Variants in NKAIN2 observed in about 807,000 individuals in gnomAD.
NKAIN2 encodes the protein sodium/potassium-transporting ATPase subunit beta-1-interacting protein 2.
NKAIN2 carries 14 observed loss-of-function variants against 32.6 expected under a neutral mutation model. The observed-to-expected ratio is 0.43, with a 90% CI of 0.28 to 0.67. The LOEUF is 0.67. Ranked by LOEUF, NKAIN2 falls within the 30% of genes least tolerant of loss-of-function variation. The pLI is 0.17. For missense variants in NKAIN2, 198 were observed against 258.3 expected (o/e 0.77, Z 1.60); for synonymous variants, 80 against 87.2 (o/e 0.92, Z 0.46).
chr6:124,711,733 A>G (rs1480228274), intron 4 of NKAIN2, among the ~76,000 whole-genome samples: 2 of 151,822 alleles, frequency 1.3e-5, no homozygotes, highest in Non-Finnish European at 2.9e-5. Flanking sequence ...ATTTTTTTTC[A>G]AAGTTTTCGA....
chr6:124,339,287 G>A (rs1798014998), intron 2 of NKAIN2, among the ~76,000 whole-genome samples: 1 of 148,696 alleles, frequency 6.7e-6, no homozygotes, highest in Non-Finnish European at 1.5e-5. Flanking sequence ...AGAAGTTGCA[G>A]TGAGCCGAGA....
At chr6:124,459,199 A>G (rs1026128115) in intron 3 of NKAIN2, among the ~76,000 whole-genome samples, 1 of 151,888 alleles carries the variant, frequency 6.6e-6, no homozygotes. Flanking sequence ...TAATAAATTA[A>G]TTTAGACCCT....
At chr6:123,963,057 G>A (rs926360200) in intron 1 of NKAIN2, among the ~76,000 whole-genome samples, 4 of 152,136 alleles carry the variant, frequency 2.6e-5, no homozygotes, top group Non-Finnish European at 4.4e-5. Context: ...TTGTACAAGA[G>A]TTGTAGAAGA....
chr6:124,654,191 G>T (rs1472855527), intron 3 of NKAIN2, among the ~76,000 whole-genome samples: 2 of 152,102 alleles, frequency 1.3e-5, no homozygotes, highest in Admixed American at 1.3e-4. Context: ...TATAAAAAAT[G>T]AAAGTGGTTG....
chr6:124,482,909 C>T (rs1583317871), intron 3 of NKAIN2, among the ~76,000 whole-genome samples: 3 of 152,162 alleles, frequency 2.0e-5, no homozygotes, highest in South Asian at 2.1e-4. Context: ...CCGAGGCGGG[C>T]GGATCACGAG....
chr6:124,751,502 G>C (rs538292517), intron 4 of NKAIN2, among the ~76,000 whole-genome samples: 3 of 151,984 alleles, frequency 2.0e-5, no homozygotes, highest in East Asian at 2.0e-4. Flanking sequence ...GAAAGGATGG[G>C]TTCCTGAGAT....
intron 2 of NKAIN2, among the ~76,000 whole-genome samples, chr6:124,351,477 G>A (rs567063568): frequency 7.7e-4 from 114 of 147,408 alleles, no homozygotes; most frequent in Non-Finnish European, 5.0e-4. Context: ...TCCAGCCGGG[G>A]TGGCAGAGTG....
intron 1 of NKAIN2, among the ~76,000 whole-genome samples, chr6:124,017,296 A>G (rs1235041193): frequency 6.6e-6 from 1 of 152,076 alleles, no homozygotes; most frequent in South Asian, 2.1e-4. Flanking sequence ...TGTGGGAGCT[A>G]TGGGAGTTAC....
rs1787098821 is a variant in NKAIN2, at chr6:124,140,831, T to C, written c.55-142174T>C. 2.0e-5 allele frequency among the ~76,000 whole-genome samples: 3 copies of C among 152,140 alleles called. No individual in the cohort carries two copies. In the South Asian group the frequency reaches 6.2e-4, roughly 31 times the overall value. ...TTGTTTCATTCTGCAACATACAATGTTTTGATTCTATTATTATCCTTCTAA... is the reference window on the plus strand; with the variant it reads ...TTGTTTCATTCTGCAACATACAATGCTTTGATTCTATTATTATCCTTCTAA... On this transcript the variant is annotated intron_variant, in intron 1 of 6. Coordinates refer to ENST00000368417, the MANE Select transcript of NKAIN2 (RefSeq NM_001040214.3).
At chr6:124,231,395 G>A (rs1357065383) in intron 1 of NKAIN2, among the ~76,000 whole-genome samples, 1 of 152,160 alleles carries the variant, frequency 6.6e-6, no homozygotes, top group Non-Finnish European at 1.5e-5. Flanking sequence ...GACTTTGGGG[G>A]ACTGTTGAGA....
intron 1 of NKAIN2, among the ~76,000 whole-genome samples, chr6:124,211,891 A>G (rs1199885844): frequency 6.6e-6 from 1 of 152,044 alleles, no homozygotes; most frequent in African/African-American, 2.4e-5. Flanking sequence ...TAATGATTGG[A>G]TATATTCACT....
intron 3 of NKAIN2, among the ~76,000 whole-genome samples, chr6:124,407,723 G>T (rs150926699): frequency 0.022 from 3,274 of 151,850 alleles, 50 homozygotes; most frequent in Non-Finnish European, 0.032. Flanking sequence ...TAATGAGATG[G>T]CTGGGTCAAA....
At chr6:124,276,580 C>A (rs1795043649) in intron 1 of NKAIN2, among the ~76,000 whole-genome samples, 3 of 152,012 alleles carry the variant, frequency 2.0e-5, no homozygotes, top group Admixed American at 1.3e-4. Flanking sequence ...TAAAAGCCAG[C>A]ACATATGTTC....
At chr6:124,428,911 G>GCC (rs1775091328) in intron 3 of NKAIN2, among the ~76,000 whole-genome samples, 1 of 152,138 alleles carries the variant, frequency 6.6e-6, no homozygotes. Context: ...AAATCACCCA[G>GCC]CCCCTTGCTT....
chr6:123,815,019 G>A (rs1413363756), intron 1 of NKAIN2, among the ~76,000 whole-genome samples: 2 of 152,134 alleles, frequency 1.3e-5, no homozygotes, highest in African/African-American at 4.8e-5. Context: ...TTTATGAAAT[G>A]TCCACATACG....
At chr6:124,160,876 C>T (rs73562433) in intron 1 of NKAIN2, among the ~76,000 whole-genome samples, 2,919 of 152,230 alleles carry the variant, frequency 0.019, 76 homozygotes, top group African/African-American at 0.065. Flanking sequence ...CCCATGAACA[C>T]ATGAAAACTC....
At chr6:124,733,878 C>G (rs568726654) in intron 4 of NKAIN2, among the ~76,000 whole-genome samples, 2 of 151,770 alleles carry the variant, frequency 1.3e-5, no homozygotes, top group South Asian at 4.2e-4. Flanking sequence ...CTTGCACTGT[C>G]AGTTGACAGG....
At chr6:124,355,397 T>G in intron 3 of NKAIN2, 50 bp downstream of exon 3, 1 of 1,014,278 alleles carries the variant, frequency 9.9e-7, no homozygotes. Context: ...TTAACAAGTC[T>G]CTTCCTAAGT....
chr6:123,850,226 T>A (rs1158283305), intron 1 of NKAIN2, among the ~76,000 whole-genome samples: 3 of 151,574 alleles, frequency 2.0e-5, no homozygotes, highest in Non-Finnish European at 4.4e-5. Flanking sequence ...CAAACAGCAA[T>A]GATTGAGGAA....
Sources: allele counts gnomAD v4.1 joint callset (sites outside exome capture counted in the v4.1 genomes callset), GRCh38; gene constraint gnomAD v4.1.1; transcripts MANE v1.5; gene names NCBI Gene and HGNC (gene_info 2026-07-23, HGNC 2026-07-21).